RARB: variants seen among roughly 807,000 people sequenced by gnomAD.
The protein encoded by RARB is retinoic acid receptor beta.
A neutral mutation model predicts 51.9 loss-of-function variants in RARB; 17 were observed. That is an observed-to-expected ratio of 0.33 (90% confidence interval 0.22 to 0.49). RARB has a LOEUF of 0.49. RARB is among the 20% of genes least tolerant of loss of function. RARB has a pLI of 0.99. For synonymous variants in RARB, 215 were observed against 195.4 expected, an observed-to-expected ratio of 1.10 and a Z score of -0.84; for missense variants, 369 against 550.8, an observed-to-expected ratio of 0.67 and a Z score of 3.30.
intron 4 of RARB, among the ~76,000 whole-genome samples, chr3:25,171,634 C>G (rs1700647415): frequency 3.1e-4 from 1 of 3,236 alleles, no homozygotes; most frequent in Non-Finnish European, 7.9e-4. Context: ...CCAACCAGTC[C>G]CTGGTTGGTA....
chr3:25,421,579 T>C (rs994914780), intron 5 of RARB, among the ~76,000 whole-genome samples: 1 of 151,510 alleles, frequency 6.6e-6, no homozygotes, highest in Non-Finnish European at 1.5e-5. Context: ...GCCCGGCTAA[T>C]TTTTTTTGTA....
intron 2 of RARB, among the ~76,000 whole-genome samples, chr3:24,878,751 C>T (rs1034645340): frequency 2.0e-5 from 3 of 152,150 alleles, no homozygotes. Context: ...AGAACCACTC[C>T]TGTCGGGTGA....
At chr3:25,131,837 C>T (rs547235083) in intron 3 of RARB, among the ~76,000 whole-genome samples, 33 of 151,894 alleles carry the variant, frequency 2.2e-4, no homozygotes, top group Admixed American at 1.1e-3. Context: ...AACAAAATAC[C>T]AAGCTGAGAA....
chr3:25,523,600 G>C (rs1698502896), intron 3 of RARB, among the ~76,000 whole-genome samples: 1 of 152,138 alleles, frequency 6.6e-6, no homozygotes, highest in South Asian at 2.1e-4. Context: ...TTTTTCACCA[G>C]CTGAACTGAA....
chr3:25,137,463 A>G (rs907508302), intron 4 of RARB, among the ~76,000 whole-genome samples: 3 of 152,082 alleles, frequency 2.0e-5, no homozygotes, highest in Admixed American at 2.0e-4. Context: ...TGGTTTATCA[A>G]TATTTTACAG....
intron 5 of RARB, among the ~76,000 whole-genome samples, chr3:25,362,921 A>G (rs1284276479): frequency 6.6e-6 from 1 of 152,222 alleles, no homozygotes; most frequent in African/African-American, 2.4e-5. Flanking sequence ...CTATTCAGCC[A>G]TCTTGCCCAG....
intron 5 of RARB, among the ~76,000 whole-genome samples, chr3:25,308,769 A>G (rs1273139847): frequency 1.3e-5 from 2 of 152,130 alleles, no homozygotes; most frequent in African/African-American, 4.8e-5. Context: ...TTTCTTATTC[A>G]AGTTATATAT....
chr3:24,956,541 C>A (rs1248075064), intron 2 of RARB, among the ~76,000 whole-genome samples: 1 of 152,126 alleles, frequency 6.6e-6, no homozygotes, highest in African/African-American at 2.4e-5. Flanking sequence ...GGATCTGAAA[C>A]CTGGTCTCAA....
At chr3:25,096,651 C>G (rs1461149635) in intron 3 of RARB, among the ~76,000 whole-genome samples, 1 of 151,982 alleles carries the variant, frequency 6.6e-6, no homozygotes, top group African/African-American at 2.4e-5. Flanking sequence ...GGAAGAAAGG[C>G]AAGAGAGGGT....
chr3:24,859,928 C>T (rs1344109345), intron 2 of RARB, among the ~76,000 whole-genome samples: 1 of 151,890 alleles, frequency 6.6e-6, no homozygotes, highest in Non-Finnish European at 1.5e-5. Context: ...ATATATTTTC[C>T]TTGCAATTTC....
At chr3:25,337,440 A>G (rs1029058206) in intron 5 of RARB, among the ~76,000 whole-genome samples, 10 of 152,208 alleles carry the variant, frequency 6.6e-5, no homozygotes, top group African/African-American at 2.4e-4. Context: ...CTCATCTTAC[A>G]GGGCTTTACC....
chr3:25,578,016 T>C (rs2125301105), intron 4 of RARB, among the ~76,000 whole-genome samples: 1 of 152,320 alleles, frequency 6.6e-6, no homozygotes, highest in African/African-American at 2.4e-5. Context: ...TTGGCTGTTT[T>C]CCTCATCAGC....
chr3:25,258,747 C>A (rs1254700979), intron 5 of RARB, among the ~76,000 whole-genome samples: 1 of 152,058 alleles, frequency 6.6e-6, no homozygotes, highest in Admixed American at 6.6e-5. Context: ...TTTATGCTAC[C>A]TCATAACACA....
chr3:25,348,904 G>T (rs1705476323), intron 5 of RARB, among the ~76,000 whole-genome samples: 1 of 152,196 alleles, frequency 6.6e-6, no homozygotes. Context: ...TGAAGCCTAT[G>T]CTGCTGGACT....
intron 1 of RARB, among the ~76,000 whole-genome samples, chr3:25,434,433 G>A (rs4681025): frequency 0.9 from 137,547 of 152,206 alleles, 62,185 homozygotes; most frequent in East Asian, 1. Context: ...TCTATCCAGC[G>A]ATCACCAAAT....
At chr3:25,457,208 G>A (rs1694962887) in intron 1 of RARB, among the ~76,000 whole-genome samples, 1 of 151,972 alleles carries the variant, frequency 6.6e-6, no homozygotes, top group Non-Finnish European at 1.5e-5. Flanking sequence ...TGGTTCTAGT[G>A]TGCAGCCAAG....
chr3:25,443,855 C>T (rs1164981749), intron 1 of RARB, among the ~76,000 whole-genome samples: 3 of 151,928 alleles, frequency 2.0e-5, no homozygotes, highest in East Asian at 3.9e-4. Flanking sequence ...CACTTGAACC[C>T]GGGAGGCAGA....
At chr3:25,485,120 ATAAAC>A (rs201273792) in intron 2 of RARB, among the ~76,000 whole-genome samples, 1,569 of 152,374 alleles carry the variant, frequency 0.01, 10 homozygotes, top group Non-Finnish European at 0.015. Flanking sequence ...AATTAAAAAC[ATAAAC>A]TAAGCTGTGT....
At chr3:25,006,848 C>G (rs1240303027) in intron 2 of RARB, among the ~76,000 whole-genome samples, 1 of 152,084 alleles carries the variant, frequency 6.6e-6, no homozygotes, top group East Asian at 1.9e-4. Flanking sequence ...TTTATAAATT[C>G]ACTAAATAGA....
Sources: allele counts gnomAD v4.1 joint callset (sites outside exome capture counted in the v4.1 genomes callset), GRCh38; gene constraint gnomAD v4.1.1; transcripts MANE v1.5; gene names NCBI Gene and HGNC (gene_info 2026-07-23, HGNC 2026-07-21).